The following NHEJ1 variants were observed in gnomAD, a reference collection of about 807,000 sequenced individuals.
The protein encoded by NHEJ1 is non-homologous end joining factor 1.
NHEJ1 carries 22 observed loss-of-function variants against 39.4 expected under a neutral mutation model. The observed-to-expected ratio is 0.56, with a 90% CI of 0.40 to 0.80. The LOEUF (loss-of-function observed/expected upper bound fraction) is 0.80, where lower values mean the gene tolerates loss of function less well. NHEJ1 is among the 30% of genes least tolerant of loss of function. NHEJ1 has a pLI of 0.00. For synonymous variants in NHEJ1, 154 were observed against 135.6 expected (o/e 1.14, Z -0.94); for missense variants, 329 against 357.1 (o/e 0.92, Z 0.63).
intron 1 of NHEJ1, chr2:219,160,452 G>A (rs1949922233): frequency 6.6e-6 from 1 of 152,246 alleles, no homozygotes; most frequent in Non-Finnish European, 1.5e-5. Flanking sequence ...CGGCTTCAAG[G>A]GGCAACAAAG....
chr2:219,112,092 A>T (rs1488594987), intron 5 of NHEJ1, among the ~76,000 whole-genome samples: 1 of 152,208 alleles, frequency 6.6e-6, no homozygotes, highest in African/African-American at 2.4e-5. Context: ...GCAAGGAAAA[A>T]TTGCTAAAAA....
intron 5 of NHEJ1, chr2:219,125,679 A>G (rs925811211): frequency 4.6e-5 from 7 of 152,288 alleles, no homozygotes; most frequent in African/African-American, 1.7e-4. Context: ...CCGGTGAGAG[A>G]ACCCAGGCTA....
chr2:219,128,204 A>G (rs1949542802), intron 5 of NHEJ1, among the ~76,000 whole-genome samples: 1 of 152,226 alleles, frequency 6.6e-6, no homozygotes. Flanking sequence ...GAGTGTAAGC[A>G]TTTTAAAACT....
intron 5 of NHEJ1, among the ~76,000 whole-genome samples, chr2:219,131,918 G>A (rs780135997): frequency 6.6e-6 from 1 of 152,230 alleles, no homozygotes; most frequent in Non-Finnish European, 1.5e-5. Context: ...GGTGTAACAC[G>A]TGGCAAGGCA....
intron 5 of NHEJ1, among the ~76,000 whole-genome samples, chr2:219,117,395 G>T (rs1210118548): frequency 6.6e-6 from 1 of 152,216 alleles, no homozygotes; most frequent in Non-Finnish European, 1.5e-5. Flanking sequence ...GCAACAGTGA[G>T]CTACCTTCTT....
In NHEJ1 at chr2:219,078,119, C is replaced by T. The variant is rs1412750370; in HGVS notation, c.676G>A (p.Val226Ile). 6.2e-7 allele frequency: 1 copy of T among 1,614,150 alleles called. No homozygotes were observed. Among genetic ancestry groups the T allele is most frequent in the East Asian group, 2.2e-5 (1 of 44,882 alleles). ...CCTTGATGCTTCTGTCCCACTTGGA[C>T]CTCTTGTGTGGTGACTGCCATATAC... ...DLYMAVTTQEVQVGQKHQGAG... is the reference protein window; with the variant it reads ...DLYMAVTTQEIQVGQKHQGAG... The change falls in exon 6 of 8, where the codon GTC becomes ATC. Residue 226 changes from valine to isoleucine, a missense_variant. Transcript: ENST00000356853.
intron 5 of NHEJ1, among the ~76,000 whole-genome samples, chr2:219,126,173 G>A (rs948133146): frequency 1.3e-5 from 2 of 152,202 alleles, no homozygotes; most frequent in Non-Finnish European, 1.5e-5. Context: ...ATTTTAGGAT[G>A]AGTTACAGGA....
At chr2:219,095,080 G>A (rs1949193597) in intron 5 of NHEJ1, among the ~76,000 whole-genome samples, 1 of 152,204 alleles carries the variant, frequency 6.6e-6, no homozygotes, top group Non-Finnish European at 1.5e-5. Flanking sequence ...AGGATCTAAA[G>A]AAAAGACTGA....
At chr2:219,142,246 G>A (rs113194814) in intron 5 of NHEJ1, among the ~76,000 whole-genome samples, 23 of 152,208 alleles carry the variant, frequency 1.5e-4, no homozygotes, top group Non-Finnish European at 2.2e-4. Context: ...GAAGAGTAGA[G>A]AATTGCAAAA....
At chr2:219,155,546 C>CT (rs1222096205) in intron 3 of NHEJ1, among the ~76,000 whole-genome samples, 5 of 151,882 alleles carry the variant, frequency 3.3e-5, no homozygotes, top group Non-Finnish European at 7.3e-5. Flanking sequence ...ATGCTAAGTA[C>CT]TGTTGATAGA....
chr2:219,098,135 T>C (rs1348299860), intron 5 of NHEJ1, among the ~76,000 whole-genome samples: 1 of 152,176 alleles, frequency 6.6e-6, no homozygotes, highest in Non-Finnish European at 1.5e-5. Flanking sequence ...AGTAACCTTT[T>C]CAAGAACAAT....
rs1948942346 is a variant in NHEJ1 at position 219,070,041 on chromosome 2, A to C, written c.*6340T>G. Among the ~76,000 whole-genome samples the C allele has an allele frequency of 6.6e-6, 1 of 152,234 alleles. No individual in the cohort carries two copies. The highest frequency in any genetic ancestry group is 6.5e-5 in the Admixed American group (1 of 15,290). On this transcript the variant is annotated 3_prime_UTR_variant, in exon 8 of 8. Transcript: ENST00000356853. Reference sequence around the variant, plus strand: ...CTCAAATTATATACTTATTGACTGCACTGAGTGCTTATTCACTATCACCAC... The same window carrying C: ...CTCAAATTATATACTTATTGACTGCCCTGAGTGCTTATTCACTATCACCAC...
At chr2:219,105,859 G>A (rs939262405) in intron 5 of NHEJ1, among the ~76,000 whole-genome samples, 6 of 151,892 alleles carry the variant, frequency 4.0e-5, no homozygotes, top group African/African-American at 7.3e-5. Context: ...CTCTCATTTC[G>A]TTCTATACTG....
intron 5 of NHEJ1, among the ~76,000 whole-genome samples, chr2:219,114,447 G>A (rs1439942110): frequency 6.6e-6 from 1 of 152,174 alleles, no homozygotes; most frequent in Non-Finnish European, 1.5e-5. Flanking sequence ...GCCTAAGCAA[G>A]CAAAATGTCA....
chr2:219,092,806 A>G (rs77469577), intron 5 of NHEJ1, among the ~76,000 whole-genome samples: 41 of 152,328 alleles, frequency 2.7e-4, no homozygotes, highest in Non-Finnish European at 4.9e-4. Flanking sequence ...AATGGTCTGC[A>G]GGAGTAGAAA....
chr2:219,137,581 A>AC (rs1559199713), intron 5 of NHEJ1, among the ~76,000 whole-genome samples: 7 of 141,246 alleles, frequency 5.0e-5, no homozygotes, highest in African/African-American at 1.7e-4. Flanking sequence ...AAAAAAAAAA[A>AC]AAAAAAAAAA....
intron 5 of NHEJ1, among the ~76,000 whole-genome samples, chr2:219,102,057 T>A (rs1475984959): frequency 6.6e-6 from 1 of 152,228 alleles, no homozygotes; most frequent in Non-Finnish European, 1.5e-5. Flanking sequence ...TGTATTATAT[T>A]ATATGGATAA....
chr2:219,125,133 A>AC (rs1296092070), intron 5 of NHEJ1, among the ~76,000 whole-genome samples: 1 of 151,772 alleles, frequency 6.6e-6, no homozygotes, highest in Non-Finnish European at 1.5e-5. Flanking sequence ...TAAAAAAAAA[A>AC]AAACCTAGAG....
intron 3 of NHEJ1, among the ~76,000 whole-genome samples, chr2:219,152,118 A>G (rs932980899): frequency 2.6e-5 from 4 of 152,204 alleles, no homozygotes; most frequent in African/African-American, 9.7e-5. Context: ...TCATCAGTCA[A>G]TTCAACAGAT....
Sources: gnomAD v4.1 joint callset for allele counts (sites outside exome capture counted in the v4.1 genomes callset) on GRCh38, gnomAD v4.1.1 for gene constraint, MANE v1.5 for transcripts, NCBI Gene and HGNC (gene_info 2026-07-23, HGNC 2026-07-21) for gene names.